The following CALN1 variants were observed in gnomAD, a reference collection of about 807,000 sequenced individuals.
CALN1 encodes the protein calneuron 1, also known as calcium-binding protein 8.
Under a neutral mutation model 30.6 loss-of-function variants are expected in CALN1, and 17 were observed. The ratio of observed to expected loss-of-function variants is 0.56; its 90% CI spans 0.38 to 0.83. The LOEUF (loss-of-function observed/expected upper bound fraction) is 0.83. Among genes scored for constraint, CALN1 ranks in the 40% least tolerant of loss-of-function variants. The probability of loss-of-function intolerance (pLI) is 0.00; values close to 1 mark genes in which losing one functional copy is unlikely to be tolerated. For missense variants in CALN1, 291 were observed against 354.9 expected (o/e 0.82, Z 1.45); for synonymous variants, 156 against 131.4 (o/e 1.19, Z -1.28).
chr7:72,267,876 G>A (rs1796697638), intron 3 of CALN1, among the ~76,000 whole-genome samples: 1 of 152,122 alleles, frequency 6.6e-6, no homozygotes, highest in Non-Finnish European at 1.5e-5. Context: ...GTGTGGTGTT[G>A]TGCACTTGTA....
intron 5 of CALN1, among the ~76,000 whole-genome samples, chr7:71,839,241 GA>G (rs1208256025): frequency 7.2e-5 from 11 of 152,290 alleles, no homozygotes; most frequent in Non-Finnish European, 1.6e-4. Flanking sequence ...TAACCGTCAT[GA>G]AAATGACACT....
At chr7:71,840,474 G>C (rs1789870145) in intron 5 of CALN1, among the ~76,000 whole-genome samples, 1 of 103,708 alleles carries the variant, frequency 9.6e-6, no homozygotes, top group African/African-American at 4.0e-5. Flanking sequence ...GACACAGTAA[G>C]ATGCTCTCTT....
At chr7:71,888,958 C>T (rs1294433151) in intron 5 of CALN1, among the ~76,000 whole-genome samples, 1 of 152,196 alleles carries the variant, frequency 6.6e-6, no homozygotes, top group African/African-American at 2.4e-5. Context: ...CAGGCCACCG[C>T]TGAGGAGGGA....
At chr7:71,836,335 G>A (rs7810113) in intron 5 of CALN1, among the ~76,000 whole-genome samples, 2,605 of 152,262 alleles carry the variant, frequency 0.017, 56 homozygotes, top group African/African-American at 0.06. Context: ...GCAGGGAGCA[G>A]CTCCAGGGAA....
At chr7:72,280,886 T>TAA (rs1797689524) in intron 2 of CALN1, among the ~76,000 whole-genome samples, 1 of 152,162 alleles carries the variant, frequency 6.6e-6, no homozygotes, top group African/African-American at 2.4e-5. Context: ...CTCACACCTG[T>TAA]AATCCCAGCA....
chr7:72,173,349 G>T (rs577646477), intron 3 of CALN1, among the ~76,000 whole-genome samples: 1 of 151,806 alleles, frequency 6.6e-6, no homozygotes, highest in African/African-American at 2.4e-5. Flanking sequence ...CATGTTTATG[G>T]GTTAAAATAT....
At chr7:71,975,575 C>T (rs1798062048) in intron 5 of CALN1, among the ~76,000 whole-genome samples, 3 of 151,954 alleles carry the variant, frequency 2.0e-5, no homozygotes, top group Non-Finnish European at 2.9e-5. Context: ...TACAGACATG[C>T]ACCACCACAA....
intron 3 of CALN1, among the ~76,000 whole-genome samples, chr7:72,125,824 C>T (rs1442944895): frequency 2.4e-5 from 2 of 83,170 alleles, no homozygotes; most frequent in Middle Eastern, 6.5e-3. Flanking sequence ...TTTTTTGAGA[C>T]GGAGTCTTGC....
the CALN1 span, among the ~76,000 whole-genome samples, chr7:72,469,143 T>C: frequency 6.6e-6 from 1 of 152,216 alleles, no homozygotes; most frequent in African/African-American, 2.4e-5. Context: ...AAAAACCTGG[T>C]CATGAATATT....
intron 6 of CALN1, among the ~76,000 whole-genome samples, chr7:71,788,161 C>A (rs1281199968): frequency 6.6e-6 from 1 of 152,144 alleles, no homozygotes; most frequent in Non-Finnish European, 1.5e-5. Flanking sequence ...ATGTGATGAT[C>A]AGAGTAAGGC....
Position 71,908,337 on chromosome 7 carries a change from G to A in CALN1, c.502-97845C>T, listed in dbSNP as rs551226282. ...AATCATGGGCTTTAAAAAAAATTTGGAATTATTTTTCTTCCAATTTAGGCT... is the reference window on the plus strand; with the variant it reads ...AATCATGGGCTTTAAAAAAAATTTGAAATTATTTTTCTTCCAATTTAGGCT... On this transcript the variant is annotated intron_variant, in intron 5 of 6. Transcript: ENST00000395275. Among the ~76,000 whole-genome samples the A allele has an allele frequency of 2.7e-4, 41 of 152,150 alleles. 1 individual carries two copies. The highest frequency in any genetic ancestry group is 1.8e-3 in the Admixed American group (27 of 15,276).
At chr7:72,436,833 G>C (rs1046425810) in intron 1 of CALN1, among the ~76,000 whole-genome samples, 7 of 152,146 alleles carry the variant, frequency 4.6e-5, no homozygotes, top group African/African-American at 1.7e-4. Flanking sequence ...AATTCAGAAG[G>C]GGTGGGGCCC....
chr7:72,400,083 C>CT (rs905112848), intron 2 of CALN1, among the ~76,000 whole-genome samples: 2 of 151,946 alleles, frequency 1.3e-5, no homozygotes, highest in African/African-American at 2.4e-5. Flanking sequence ...CCAAATAAAC[C>CT]TTTTTTTTAA....
At chr7:72,151,846 G>C (rs1379800391) in intron 3 of CALN1, among the ~76,000 whole-genome samples, 1 of 151,272 alleles carries the variant, frequency 6.6e-6, no homozygotes, top group Non-Finnish European at 1.5e-5. Context: ...CGAGTAGCTG[G>C]GACTACAGGT....
At position 71,954,209 on chromosome 7, in the gene CALN1, T is replaced by A. The variant is rs142776645; in HGVS notation, c.501+69448A>T. ...GCACTGTGGCTCATGCCTGTAATCA[T>A]AGCGCTTTGGGAGGCCGAGGGGCTG... On this transcript the variant is annotated intron_variant, in intron 5 of 6. Coordinates refer to ENST00000395275, the MANE Select transcript of CALN1 (RefSeq NM_031468.4). Among the ~76,000 whole-genome samples, 1,061 of 152,112 alleles carry A rather than the reference T, an allele frequency of 7.0e-3. 7 individuals are homozygous for A. Among genetic ancestry groups the A allele is most frequent in the African/African-American group, 0.023 (953 of 41,502 alleles).
At chr7:71,978,698 T>C (rs772113079) in intron 5 of CALN1, among the ~76,000 whole-genome samples, 6 of 152,156 alleles carry the variant, frequency 3.9e-5, no homozygotes, top group Non-Finnish European at 5.9e-5. Flanking sequence ...ATTGTGCATA[T>C]AGAGAGAGAC....
intron 5 of CALN1, among the ~76,000 whole-genome samples, chr7:72,013,558 G>A (rs1236952627): frequency 6.6e-6 from 1 of 151,946 alleles, no homozygotes; most frequent in African/African-American, 2.4e-5. Flanking sequence ...AGACTAATTT[G>A]AGATTTTGTT....
At chr7:72,453,325 G>A in the CALN1 span, among the ~76,000 whole-genome samples, 3 of 152,226 alleles carry the variant, frequency 2.0e-5, no homozygotes, top group Non-Finnish European at 4.4e-5. Flanking sequence ...CAGCTCAGGG[G>A]CAGTGCTGCA....
intron 2 of CALN1, among the ~76,000 whole-genome samples, chr7:72,317,416 T>A (rs1192885449): frequency 2.0e-5 from 3 of 152,188 alleles, no homozygotes; most frequent in African/African-American, 7.2e-5. Flanking sequence ...AGAGGATTTA[T>A]TCCTAAACAT....
Sources: allele counts gnomAD v4.1 joint callset (sites outside exome capture counted in the v4.1 genomes callset), GRCh38; gene constraint gnomAD v4.1.1; transcripts MANE v1.5; gene names NCBI Gene and HGNC (gene_info 2026-07-23, HGNC 2026-07-21).